IRF4: variants seen among roughly 807,000 people sequenced by gnomAD.
IRF4 encodes interferon regulatory factor 4, also known as lymphocyte-specific interferon regulatory factor.
IRF4 carries 13 observed loss-of-function variants against 55.5 expected under a neutral mutation model. That is an observed-to-expected ratio of 0.23 (90% CI 0.15 to 0.37). The LOEUF is 0.37. IRF4 is among the 10% of genes least tolerant of loss of function. The probability of loss-of-function intolerance (pLI) is 1.00; values close to 1 mark genes in which losing one functional copy is unlikely to be tolerated. For synonymous variants in IRF4, 249 were observed against 240.7 expected, an observed-to-expected ratio of 1.03 and a Z score of -0.32; for missense variants, 397 against 593.8, an observed-to-expected ratio of 0.67 and a Z score of 3.44.
intron 1 of IRF4, among the ~76,000 whole-genome samples, chr6:392,238 C>T (rs942511671): frequency 1.3e-5 from 2 of 152,252 alleles, no homozygotes; most frequent in Admixed American, 1.3e-4. Flanking sequence ...CTAAGGGGCC[C>T]AAGCTCACGG....
In IRF4 at chr6:394,935, G is replaced by C; in HGVS notation, c.331G>C (p.Val111Leu). 1 of 1,614,238 alleles carries C rather than the reference G, an allele frequency of 6.2e-7. No individual in the cohort carries two copies. Among genetic ancestry groups the C allele is most frequent in the Non-Finnish European group, 8.5e-7 (1 of 1,180,040 alleles). The change falls in exon 3 of 9, where the codon GTT becomes CTT. Residue 111 changes from valine (V) to leucine (L), a missense_variant. Val to Leu is a conservative substitution (Grantham distance 32). Around this residue, in one of 3 missense-constraint regions of IRF4, gnomAD observed 341 missense variants for 548.1 expected, o/e 0.62. Transcript: ENST00000380956. Reference protein sequence around the residue: ...LNKSNDFEELVERSQLDISDP... With the variant: ...LNKSNDFEELLERSQLDISDP... The stretch of plus-strand genomic sequence containing the variant: ...CAAGAGCAATGACTTTGAGGAACTG[G>C]TTGAGCGGAGCCAGCTGGACATCTC...
chr6:397,833 G>T (rs1486302346), intron 5 of IRF4, among the ~76,000 whole-genome samples: 1 of 152,218 alleles, frequency 6.6e-6, no homozygotes, highest in East Asian at 1.9e-4. Flanking sequence ...CATTAGCTGG[G>T]TGCAGGGAGA....
intron 1 of IRF4, among the ~76,000 whole-genome samples, chr6:392,566 G>A (rs1368767637): frequency 6.6e-6 from 1 of 152,274 alleles, no homozygotes; most frequent in Non-Finnish European, 1.5e-5. Context: ...GGGGCGAAGG[G>A]TCTGGATGCG....
chr6:398,927 C>T lies in IRF4; in HGVS notation c.737C>T (p.Ala246Val), dbSNP rs751010198. The T allele has an allele frequency of 8.7e-6, 14 of 1,609,812 alleles. No homozygotes were observed. Among genetic ancestry groups the T allele is most frequent in the African/African-American group, 1.3e-5 (1 of 74,964 alleles). Residue 246 changes from alanine to valine, a missense_variant, in exon 6 of 9, where the codon GCG becomes GTG. Transcript: ENST00000380956. ...AGCATAAGGTCTGCCGAAGCCTTGG[C>T]GTTCTCAGGTGAGTGCAGGGTTTGC... ...EPSIRSAEAL[A>V]FSDCRLHICL...
At chr6:406,541 CA>C (rs887381640) in intron 8 of IRF4, among the ~76,000 whole-genome samples, 4 of 119,880 alleles carry the variant, frequency 3.3e-5, no homozygotes, top group South Asian at 2.8e-4. Flanking sequence ...GACTCTGTCT[CA>C]AAAAAAAAAC....
Position 409,509 on chromosome 6 carries a change from G to A in IRF4, c.*1911G>A. 1 of 216,060 alleles carries A rather than the reference G, an allele frequency of 4.6e-6. No homozygotes were observed. The highest frequency in any genetic ancestry group is 9.4e-6 in the Non-Finnish European group (1 of 106,858). The allele number at this position is 216,060 out of a possible 1,614,324, so 13.4% of individuals were successfully genotyped here. On this transcript the variant is annotated 3_prime_UTR_variant, in exon 9 of 9. Coordinates refer to ENST00000380956, the MANE Select transcript of IRF4 (RefSeq NM_002460.4). ...CATGCAGTGCTCTTTGTAGCTAACAGTGAAGATTTACCTCGTTCTGCTCAG... is the reference window on the plus strand; with the variant it reads ...CATGCAGTGCTCTTTGTAGCTAACAATGAAGATTTACCTCGTTCTGCTCAG...
intron 7 of IRF4, among the ~76,000 whole-genome samples, chr6:403,321 A>G (rs1246072118): frequency 1.3e-5 from 2 of 152,258 alleles, no homozygotes; most frequent in Non-Finnish European, 2.9e-5. Flanking sequence ...AAGAGCTCAC[A>G]TGGGCCAGGA....
At position 394,841 on chromosome 6, in the gene IRF4, A is replaced by C; in HGVS notation, c.237A>C (p.Gly79=). The change falls in exon 3 of 9, where the codon GGA becomes GGC. Residue 79 remains glycine (G), a synonymous_variant. Coordinates refer to ENST00000380956, the MANE Select transcript of IRF4 (RefSeq NM_002460.4). The part of the protein sequence containing the change: ...ALFKAWALFK[G]KFREGIDKPD... ...ACCAGGCTTGGGCACTGTTTAAAGG[A>C]AAGTTCCGAGAAGGCATCGACAAGC... 6.2e-7 allele frequency: 1 copy of C among 1,614,022 alleles called. No homozygotes were observed. Among genetic ancestry groups the C allele is most frequent in the Non-Finnish European group, 8.5e-7 (1 of 1,179,962 alleles).
In IRF4 at chr6:411,426, A is replaced by G; in HGVS notation, c.*3828A>G. 5.3e-6 allele frequency: 1 copy of G among 188,666 alleles called. No homozygotes were observed. The highest frequency in any genetic ancestry group is 2.3e-5 in the African/African-American group (1 of 42,966). 11.7% of individuals were successfully genotyped at this position (188,666 alleles called of 1,614,324 possible). A position where few individuals can be genotyped will look rare whatever the true frequency, so the allele number is the denominator to read the frequency against. ...AATTTATGTTTTTAGGTAAATAAAA[A>G]CTTTTAAAAATTTGTTATGGAATGT... On this transcript the variant is annotated 3_prime_UTR_variant, in exon 9 of 9. Coordinates refer to ENST00000380956, the MANE Select transcript of IRF4 (RefSeq NM_002460.4).
At chr6:396,701 G>A (rs6906144) in intron 4 of IRF4, among the ~76,000 whole-genome samples, 111 of 32,492 alleles carry the variant, frequency 3.4e-3, no homozygotes, top group African/African-American at 0.013. Context: ...CCCCCGTCTC[G>A]ATGCCAGTGC....
At chr6:396,539 C>A (rs143703528) in intron 4 of IRF4, among the ~76,000 whole-genome samples, 2 of 151,878 alleles carry the variant, frequency 1.3e-5, no homozygotes, top group East Asian at 1.9e-4. Context: ...GAGCACCCCC[C>A]GTCTCAATGC....
At position 406,435 on chromosome 6, in the gene IRF4, G is replaced by A. The variant is rs541682939; in HGVS notation, c.1213-1020G>A. ...TGCGCACCTGTAATCCCAGCTACTC[G>A]GGAGGCTGAAGCAAGGGAGTCACTT... On this transcript the variant is annotated intron_variant, in intron 8 of 8. Coordinates refer to ENST00000380956, the MANE Select transcript of IRF4 (RefSeq NM_002460.4). Among the ~76,000 whole-genome samples the A allele has an allele frequency of 9.2e-5, 14 of 152,196 alleles. 1 individual carries two copies. Among genetic ancestry groups the A allele is most frequent in the Admixed American group, 3.3e-4 (5 of 15,294 alleles).
intron 8 of IRF4, among the ~76,000 whole-genome samples, chr6:406,032 T>C (rs990916184): frequency 1.3e-5 from 2 of 152,142 alleles, no homozygotes; most frequent in African/African-American, 4.8e-5. Context: ...TGAAACATGG[T>C]TTAATCTTGA....
rs188704220 is a variant in IRF4 at position 394,150 on chromosome 6, C to T, written c.217-671C>T. 1.6e-3 allele frequency among the ~76,000 whole-genome samples: 244 copies of T among 152,360 alleles called. 1 individual carries two copies. Among genetic ancestry groups the T allele is most frequent in the South Asian group, 0.012 (58 of 4,828 alleles). On this transcript the variant is annotated intron_variant, in intron 2 of 8. Coordinates refer to ENST00000380956, the MANE Select transcript of IRF4 (RefSeq NM_002460.4). ...TCCGGGAATTTGGTCTCAATTTGCTCTCAGAGTGCCTCAGCTGTGCTGCCA... is the reference window on the plus strand; with the variant it reads ...TCCGGGAATTTGGTCTCAATTTGCTTTCAGAGTGCCTCAGCTGTGCTGCCA...
chr6:393,466 G>A lies in IRF4; in HGVS notation c.216+98G>A, dbSNP rs1269654393. The A allele has an allele frequency of 1.1e-6, 1 of 879,792 alleles. No homozygotes were observed. Among genetic ancestry groups the A allele is most frequent in the South Asian group, 4.0e-5 (1 of 24,730 alleles). 54.5% of individuals were successfully genotyped at this position (879,792 alleles called of 1,614,324 possible). On this transcript the variant is annotated intron_variant, in intron 2 of 8. Coordinates refer to ENST00000380956, the MANE Select transcript of IRF4 (RefSeq NM_002460.4). The surrounding 1 kb of genome is among the most constrained non-coding windows in gnomAD (Gnocchi z 5.4). ...GCCTCCGAGGCGAGCCCAGGGGACC[G>A]CGCGGGGCGGACGGGCGGGCGGCGG...
intron 1 of IRF4, among the ~76,000 whole-genome samples, chr6:392,286 G>T (rs149690377): frequency 6.6e-6 from 1 of 152,262 alleles, no homozygotes; most frequent in Non-Finnish European, 1.5e-5. Context: ...GGCGCAGGAG[G>T]AGGAGGAGCT....
rs2671428 is a variant in IRF4, at chr6:394,643, C to T, written c.217-178C>T. ...GAACACCTGTAGGCCGAGGGCCCAG[C>T]TACTCTAGAGGCTGAGATAGGAGGA... On this transcript the variant is annotated intron_variant, in intron 2 of 8. Transcript: ENST00000380956. Among the ~76,000 whole-genome samples the T allele has an allele frequency of 0.051, 7,695 of 152,232 alleles. 296 individuals are homozygous for T. The highest frequency in any genetic ancestry group is 0.13 in the South Asian group (638 of 4,820).
chr6:407,719 A>T lies in IRF4; in HGVS notation c.*121A>T. 13 of 903,090 alleles carry T rather than the reference A, an allele frequency of 1.4e-5. No individual in the cohort carries two copies. Among genetic ancestry groups the T allele is most frequent in the Non-Finnish European group, 3.3e-6 (2 of 609,940 alleles). The allele number at this position is 903,090 out of a possible 1,614,324, so 55.9% of individuals were successfully genotyped here. On this transcript the variant is annotated 3_prime_UTR_variant, in exon 9 of 9. Transcript: ENST00000380956. The stretch of plus-strand genomic sequence containing the variant: ...AGTGACACAATCTCAGCTCACTGTG[A>T]CCTCCGCCTCCTGGGTTCAAGAGAC...
Position 405,839 on chromosome 6 carries a change from C to A in IRF4, c.1212+709C>A, listed in dbSNP as rs137890199. On this transcript the variant is annotated intron_variant, in intron 8 of 8. Coordinates refer to ENST00000380956, the MANE Select transcript of IRF4 (RefSeq NM_002460.4). Reference sequence around the variant, plus strand: ...ATAGATAACATGAAGCATTAATTTGCCATGGGAAACAGAATCTTGAACCCT... The same window carrying A: ...ATAGATAACATGAAGCATTAATTTGACATGGGAAACAGAATCTTGAACCCT... Among the ~76,000 whole-genome samples the A allele has an allele frequency of 5.9e-3, 901 of 152,254 alleles. 34 individuals are homozygous for A. Among genetic ancestry groups the A allele is most frequent in the Admixed American group, 0.053 (811 of 15,294 alleles).
Sources: allele counts gnomAD v4.1 joint callset (sites outside exome capture counted in the v4.1 genomes callset), GRCh38; gene constraint gnomAD v4.1.1; regional missense constraint gnomAD v4.1.1; non-coding constraint Gnocchi (gnomAD v3.1); transcripts MANE v1.5; gene names NCBI Gene and HGNC (gene_info 2026-07-23, HGNC 2026-07-21).